The following TNRC18 variants were observed in gnomAD, a reference collection of about 807,000 sequenced individuals.
TNRC18 encodes the protein trinucleotide repeat containing 18, also known as trinucleotide repeat-containing gene 18 protein.
A neutral mutation model predicts 226.7 loss-of-function variants in TNRC18; 69 were observed. The observed-to-expected ratio is 0.30, with a 90% CI of 0.25 to 0.37. The LOEUF (loss-of-function observed/expected upper bound fraction) is 0.37. Among genes scored for constraint, TNRC18 ranks in the 10% least tolerant of loss-of-function variants. The pLI is 1.00. For missense variants in TNRC18, 4,754 were observed against 4,256.6 expected (o/e 1.12, Z -3.25); for synonymous variants, 2,449 against 1,927.6 (o/e 1.27, Z -7.09).
chr7:5,344,255 G>A (rs1189053713), intron 18 of TNRC18, among the ~76,000 whole-genome samples: 9 of 152,180 alleles, frequency 5.9e-5, no homozygotes, highest in African/African-American at 9.7e-5. Context: ...GATGGTGGTG[G>A]GTCAGACAGG....
chr7:5,414,544 C>A (rs1321528774), intron 2 of TNRC18, among the ~76,000 whole-genome samples: 1 of 152,004 alleles, frequency 6.6e-6, no homozygotes, highest in East Asian at 1.9e-4. Flanking sequence ...TCCAGAGTAG[C>A]TGGGACTGCA....
intron 19 of TNRC18, among the ~76,000 whole-genome samples, chr7:5,330,826 A>G (rs937218849): frequency 1.4e-4 from 21 of 152,002 alleles, no homozygotes; most frequent in African/African-American, 4.1e-4. Flanking sequence ...GGCACCCGCC[A>G]CCATGCCTGG....
Position 5,377,316 on chromosome 7 carries a change from G to A in TNRC18, c.2461+55C>T, listed in dbSNP as rs1029719255. The A allele has an allele frequency of 3.7e-5, 17 of 453,718 alleles. No individual in the cohort carries two copies. Among genetic ancestry groups the A allele is most frequent in the Non-Finnish European group, 5.8e-5 (14 of 240,418 alleles). 28.1% of individuals were successfully genotyped at this position (453,718 alleles called of 1,614,324 possible). ...AGCCCTGAGCTCTTGTCCTGCACCC[G>A]CCCCCTCCCACCCCTCCCTCAGAGA... On this transcript the variant is annotated intron_variant, in intron 7 of 29. Transcript: ENST00000430969. The surrounding 1 kb of genome is among the most constrained non-coding windows in gnomAD (Gnocchi z 5.8).
rs1196293883 is a variant in TNRC18 at position 5,324,267 on chromosome 7, G to A, written c.6389C>T (p.Ser2130Phe). 1 of 1,613,042 alleles carries A rather than the reference G, an allele frequency of 6.2e-7. No individual in the cohort carries two copies. Among genetic ancestry groups the A allele is most frequent in the South Asian group, 1.1e-5 (1 of 91,046 alleles). The change falls in exon 21 of 30, where the codon TCT becomes TTT. Residue 2130 changes from serine to phenylalanine, a missense_variant. Ser to Phe is a radical substitution (Grantham distance 155). Transcript: ENST00000430969. The surrounding 1 kb of genome is among the most constrained non-coding windows in gnomAD (Gnocchi z 4.8). Reference protein sequence around the residue: ...DFEPNQDSSFSEDEHLPRGGA... With the variant: ...DFEPNQDSSFFEDEHLPRGGA... ...GCCACGCGGCAGGTGCTCGTCCTCA[G>A]AGAAGCTCGAGTCTTGGTTGGGTTC...
intron 2 of TNRC18, among the ~76,000 whole-genome samples, chr7:5,407,723 G>A (rs1781570575): frequency 2.0e-5 from 3 of 152,210 alleles, no homozygotes; most frequent in African/African-American, 2.4e-5. Context: ...ATGCAAATAC[G>A]TCCATCTCAG....
chr7:5,377,264 C>T lies in TNRC18; in HGVS notation c.2461+107G>A, dbSNP rs921553536. ...GACGAATGCGGGAGGCAGGCCCAGG[C>T]CCCCCAGGAAACGGCAGGCAGGAGC... On this transcript the variant is annotated intron_variant, in intron 7 of 29. Transcript: ENST00000430969. The surrounding 1 kb of genome is among the most constrained non-coding windows in gnomAD (Gnocchi z 5.8). The T allele has an allele frequency of 2.4e-6, 3 of 1,261,876 alleles. No homozygotes were observed. The highest frequency in any genetic ancestry group is 2.2e-6 in the Non-Finnish European group (2 of 929,600). 78.2% of individuals were successfully genotyped at this position (1,261,876 alleles called of 1,614,324 possible).
At chr7:5,348,373 G>T (rs1030002806) in intron 17 of TNRC18, among the ~76,000 whole-genome samples, 1 of 152,158 alleles carries the variant, frequency 6.6e-6, no homozygotes, top group African/African-American at 2.4e-5. Context: ...AGCAAGAAGA[G>T]GTGGACACCA....
intron 11 of TNRC18, among the ~76,000 whole-genome samples, chr7:5,369,667 A>G (rs2128171182): frequency 6.6e-6 from 1 of 152,276 alleles, no homozygotes; most frequent in Non-Finnish European, 1.5e-5. Flanking sequence ...TCTTGGCTTG[A>G]ACACCTAGAT....
chr7:5,417,364 G>C (rs955842202), intron 2 of TNRC18, among the ~76,000 whole-genome samples: 18 of 152,028 alleles, frequency 1.2e-4, no homozygotes, highest in African/African-American at 3.6e-4. Context: ...TAGCTACTCG[G>C]GAGGCTGAGG....
At chr7:5,348,874 T>TA (rs1445257475) in intron 17 of TNRC18, among the ~76,000 whole-genome samples, 1 of 149,002 alleles carries the variant, frequency 6.7e-6, no homozygotes, top group Non-Finnish European at 1.5e-5. Context: ...CAAAGCAGGC[T>TA]AAGTGTAGGC....
At chr7:5,346,230 G>C (rs956633440) in intron 17 of TNRC18, among the ~76,000 whole-genome samples, 3 of 152,208 alleles carry the variant, frequency 2.0e-5, no homozygotes, top group Non-Finnish European at 4.4e-5. Flanking sequence ...GAGCACGGAA[G>C]AGGGCCCTGG....
intron 14 of TNRC18, among the ~76,000 whole-genome samples, chr7:5,361,297 G>C (rs6974185): frequency 6.6e-6 from 1 of 152,046 alleles, no homozygotes; most frequent in Non-Finnish European, 1.5e-5. Context: ...GCGTGGAAAA[G>C]AGGAGGAATT....
chr7:5,356,827 G>GA lies in TNRC18; in HGVS notation c.5194+88_5194+89insT, dbSNP rs1792465016. On this transcript the variant is annotated intron_variant, in intron 16 of 29. Transcript: ENST00000430969. ...GAGCGAGAGCGAGAGAGAGAGTGAG[G>GA]GGCGGGGGGGGAAGGAGGACGGTGG... is the stretch of plus-strand genomic sequence containing the variant. The GA allele has an allele frequency of 4.7e-5, 57 of 1,202,076 alleles. 1 individual carries two copies. The South Asian group carries it at 9.1e-4, about 19-fold the overall frequency. 74.5% of individuals were successfully genotyped at this position (1,202,076 alleles called of 1,614,324 possible). A position where few individuals can be genotyped will look rare whatever the true frequency, so the allele number is the denominator to read the frequency against.
At chr7:5,351,736 G>GCCCACTCGCTT in intron 17 of TNRC18, 83 bp downstream of exon 17, 2 of 1,431,418 alleles carry the variant, frequency 1.4e-6, no homozygotes, top group African/African-American at 2.9e-5. Flanking sequence ...TCTCCCGTGC[G>GCCCACTCGCTT]CCCACTCGCT....
intron 11 of TNRC18, among the ~76,000 whole-genome samples, chr7:5,363,649 G>C (rs1009131329): frequency 6.6e-6 from 1 of 152,072 alleles, no homozygotes; most frequent in Non-Finnish European, 1.5e-5. Context: ...CAGCACGCCT[G>C]GCACAGGGTC....
intron 5 of TNRC18, among the ~76,000 whole-genome samples, chr7:5,378,619 C>T (rs1306845664): frequency 6.6e-6 from 1 of 151,622 alleles, no homozygotes; most frequent in Non-Finnish European, 1.5e-5. Context: ...GGGGCTTCAC[C>T]GTGTTAGCCA....
chr7:5,411,487 C>CAGG (rs1183508350), intron 2 of TNRC18, among the ~76,000 whole-genome samples: 1 of 134,986 alleles, frequency 7.4e-6, no homozygotes, highest in Non-Finnish European at 1.5e-5. Context: ...CATCACACTC[C>CAGG]AGCCTGGGTG....
intron 24 of TNRC18, among the ~76,000 whole-genome samples, chr7:5,316,490 G>T (rs1787864208): frequency 6.6e-6 from 1 of 151,974 alleles, no homozygotes; most frequent in African/African-American, 2.4e-5. Flanking sequence ...TGTTGGTCAG[G>T]CTGGTCTCGA....
In TNRC18 at chr7:5,423,638, G is replaced by A. The variant is rs1409929966; in HGVS notation, c.-441C>T. The A allele has an allele frequency of 6.6e-6, 1 of 151,630 alleles. No homozygotes were observed. Among genetic ancestry groups the A allele is most frequent in the Non-Finnish European group, 1.5e-5 (1 of 67,872 alleles). The allele number at this position is 151,630 out of a possible 1,614,324, so 9.4% of individuals were successfully genotyped here. A position where few individuals can be genotyped will look rare whatever the true frequency, so the allele number is the denominator to read the frequency against. On this transcript the variant is annotated 5_prime_UTR_variant, in exon 1 of 30. Transcript: ENST00000430969. Reference sequence around the variant, plus strand: ...AACCGCTCCCCGGGCCGAGCGCTCGGCGCGCCAACTCCTCCGCCCTCCCGC... The same window carrying A: ...AACCGCTCCCCGGGCCGAGCGCTCGACGCGCCAACTCCTCCGCCCTCCCGC...
Sources: gnomAD v4.1 joint callset for allele counts (sites outside exome capture counted in the v4.1 genomes callset) on GRCh38, gnomAD v4.1.1 for gene constraint, Gnocchi (gnomAD v3.1) non-coding constraint, MANE v1.5 for transcripts, NCBI Gene and HGNC (gene_info 2026-07-23, HGNC 2026-07-21) for gene names.